Variants in TMEM52B observed in about 807,000 individuals in gnomAD.
TMEM52B encodes chromosome 12 open reading frame 59.
In TMEM52B, 11 loss-of-function variants were observed where a neutral mutation model predicts 16.1. That is an observed-to-expected ratio of 0.68 (90% CI 0.43 to 1.13). The LOEUF (loss-of-function observed/expected upper bound fraction) is 1.13. TMEM52B is among the 50% of genes most tolerant of loss of function. TMEM52B has a pLI of 0.00. For synonymous variants in TMEM52B, 101 were observed against 93.8 expected (o/e 1.08, Z -0.45); for missense variants, 243 against 230.4 (o/e 1.05, Z -0.35).
upstream of TMEM52B, among the ~76,000 whole-genome samples, chr12:10,177,209 G>A (rs901483814): frequency 2.6e-5 from 4 of 151,770 alleles, no homozygotes; most frequent in African/African-American, 9.7e-5. Flanking sequence ...ACTGAAATCT[G>A]GAAATCACCC....
At chr12:10,176,442 G>A (rs539064189), upstream of TMEM52B, among the ~76,000 whole-genome samples, 28 of 152,210 alleles carry the variant, frequency 1.8e-4, no homozygotes, top group Non-Finnish European at 3.5e-4. Context: ...TTAGAAAAGT[G>A]CAATGCGAGC....
At chr12:10,173,843 C>G (rs1948745264) in intron 1 of TMEM52B, among the ~76,000 whole-genome samples, 1 of 151,070 alleles carries the variant, frequency 6.6e-6, no homozygotes, top group South Asian at 2.1e-4. Flanking sequence ...TCTACAGTGA[C>G]TCAGTTATTT....
chr12:10,182,588 T>C lies in TMEM52B; in HGVS notation c.93T>C (p.Pro31=), dbSNP rs970025069. 6.5e-7 allele frequency: 1 copy of C among 1,535,408 alleles called. No homozygotes were observed. The highest frequency in any genetic ancestry group is 1.7e-4 in the Middle Eastern group (1 of 5,984). ...GTRCEENCGN[P]EHCLTTDWVH... ...GATGTGAGGAAAACTGTGGTAATCC[T>C]GAACAGTAAGTATAGAGTTCAAGCT... The change falls in exon 2 of 5, where the codon CCT becomes CCC. Residue 31 remains proline (P), a synonymous_variant. Transcript: ENST00000543484.
chr12:10,190,860 G>C lies in TMEM52B; in HGVS notation c.*720G>C, dbSNP rs1043801935. On this transcript the variant is annotated 3_prime_UTR_variant, in exon 5 of 5. Coordinates refer to ENST00000543484, the MANE Select transcript of TMEM52B (RefSeq NM_001384896.1). ...GCACATGCATGTATACCTGCACCCT[G>C]TTTTAACTCTAAAGGAATAGTGTTG... 3 of 152,322 alleles carry C rather than the reference G, an allele frequency of 2.0e-5. No homozygotes were observed. The highest frequency in any genetic ancestry group is 2.0e-4 in the Admixed American group (3 of 15,274). The allele number at this position is 152,322 out of a possible 1,614,324, so 9.4% of individuals were successfully genotyped here. A position where few individuals can be genotyped will look rare whatever the true frequency, so the allele number is the denominator to read the frequency against.
At chr12:10,177,806 TAATAATAA>T (rs1948778501), upstream of TMEM52B, among the ~76,000 whole-genome samples, 4 of 81,670 alleles carry the variant, frequency 4.9e-5, no homozygotes, top group African/African-American at 1.5e-4. Context: ...ATAATAATAA[TAATAATAA>T]TTTTTTTATT....
intron 1 of TMEM52B, among the ~76,000 whole-genome samples, chr12:10,173,554 G>A (rs542090339): frequency 1.3e-5 from 2 of 151,634 alleles, no homozygotes; most frequent in Admixed American, 6.6e-5. Flanking sequence ...CTGAGGGGGG[G>A]GGTGGATCAC....
intron 1 of TMEM52B, among the ~76,000 whole-genome samples, chr12:10,181,554 T>C (rs1948822724): frequency 6.6e-6 from 1 of 150,782 alleles, no homozygotes; most frequent in Admixed American, 6.6e-5. Flanking sequence ...GGTCTCGAAC[T>C]CCTGACCTCA....
intron 1 of TMEM52B, 37 bp downstream of exon 1, chr12:10,179,665 T>C (rs1417441877): frequency 1.9e-6 from 3 of 1,612,698 alleles, no homozygotes; most frequent in African/African-American, 2.7e-5. Flanking sequence ...AGAGTATTTT[T>C]CCCCAGATTA....
At chr12:10,185,716 T>C (rs570759357) in intron 3 of TMEM52B, among the ~76,000 whole-genome samples, 1 of 151,710 alleles carries the variant, frequency 6.6e-6, no homozygotes, top group African/African-American at 2.4e-5. Context: ...GAGACCAGCC[T>C]GAGCAAAATA....
chr12:10,176,738 A>G (rs1221158044), upstream of TMEM52B, among the ~76,000 whole-genome samples: 1 of 152,256 alleles, frequency 6.6e-6, no homozygotes, highest in Non-Finnish European at 1.5e-5. Flanking sequence ...TACACACATT[A>G]ACTTATTTAA....
chr12:10,171,285 T>A (rs191369763), intron 1 of TMEM52B, among the ~76,000 whole-genome samples: 1 of 152,336 alleles, frequency 6.6e-6, no homozygotes, highest in Non-Finnish European at 1.5e-5. Context: ...TCTCCTTATA[T>A]TCTGTTCATT....
intron 4 of TMEM52B, among the ~76,000 whole-genome samples, chr12:10,189,016 C>CAAAAAAAAAAAA (rs869240234): frequency 3.5e-5 from 2 of 56,488 alleles, no homozygotes; most frequent in Non-Finnish European, 5.9e-5. Context: ...GACTCCGTCT[C>CAAAAAAAAAAAA]AAAAAAAAAA....
At chr12:10,181,327 C>T (rs1948819813) in intron 1 of TMEM52B, among the ~76,000 whole-genome samples, 1 of 119,906 alleles carries the variant, frequency 8.3e-6, no homozygotes, top group African/African-American at 2.7e-5. Context: ...TAGGTGTGTA[C>T]ATTTGGTCAC....
At position 10,190,024 on chromosome 12, in the gene TMEM52B, C is replaced by A; in HGVS notation, c.436C>A (p.Arg146Ser). 1.2e-6 allele frequency: 2 copies of A among 1,614,152 alleles called. No homozygotes were observed. Among genetic ancestry groups the A allele is most frequent in the Non-Finnish European group, 1.7e-6 (2 of 1,180,036 alleles). Residue 146 changes from arginine (R) to serine (S), a missense_variant, in exon 5 of 5, where the codon CGC (arginine) becomes AGC (serine). By Grantham distance (110) the Arg-to-Ser change is moderately radical. Coordinates refer to ENST00000543484, the MANE Select transcript of TMEM52B (RefSeq NM_001384896.1). The stretch of plus-strand genomic sequence containing the variant: ...GTATGAAGAAGCTCTTCACATGAGT[C>A]GCTTCACAGTAGCCATGTGCGGGCA... ...PGYEEALHMSRFTVAMCGQKA... is the reference protein window; with the variant it reads ...PGYEEALHMSSFTVAMCGQKA...
At chr12:10,184,563 T>A (rs759878103) in intron 2 of TMEM52B, among the ~76,000 whole-genome samples, 13 of 152,144 alleles carry the variant, frequency 8.5e-5, no homozygotes, top group Non-Finnish European at 1.3e-4. Flanking sequence ...TTGCCTGGTG[T>A]GTGCGGAAAT....
At position 10,187,099 on chromosome 12, in the gene TMEM52B, G is replaced by GTTTTTTT. The variant is rs71049057; in HGVS notation, c.307+525_307+531dup. Among the ~76,000 whole-genome samples, 143 of 82,146 alleles carry GTTTTTTT rather than the reference G, an allele frequency of 1.7e-3. 14 individuals carry two copies. Among genetic ancestry groups the GTTTTTTT allele is most frequent in the African/African-American group, 4.1e-3 (83 of 20,242 alleles). 53.9% of individuals were successfully genotyped at this position (82,146 alleles called of 152,430 possible). On this transcript the variant is annotated intron_variant, in intron 4 of 4. Transcript: ENST00000543484. ...CTGTGGTTCTATTCTTTCCATGACG[G>GTTTTTTT]TTTTTTTTTTTTTTTTTTTTTGAGA...
rs758106034 is a variant in TMEM52B at position 10,179,325 on chromosome 12, G to A, written c.-250G>A. 5.5e-5 allele frequency: 28 copies of A among 509,796 alleles called. No homozygotes were observed. Among genetic ancestry groups the A allele is most frequent in the Non-Finnish European group, 9.6e-5 (27 of 282,146 alleles). 31.6% of individuals were successfully genotyped at this position (509,796 alleles called of 1,614,324 possible). The stretch of plus-strand genomic sequence containing the variant: ...AGAAAGAAGGCAAAAGGAAGTAAAT[G>A]TGGAGGCCATAGAAATAGTAATAAG... On this transcript the variant is annotated 5_prime_UTR_variant, in exon 1 of 5. The change creates a new upstream start codon in the 5' untranslated region. Coordinates refer to ENST00000543484, the MANE Select transcript of TMEM52B (RefSeq NM_001384896.1).
In TMEM52B at chr12:10,185,905, G is replaced by A. The variant is rs545822012; in HGVS notation, c.138-515G>A. Among the ~76,000 whole-genome samples the A allele has an allele frequency of 4.3e-4, 66 of 152,322 alleles. 1 individual carries two copies. The South Asian group carries it at 0.013, about 30-fold the overall frequency. ...AAAAATACAAAATTAGCTGGGCGTG[G>A]TGGCACATGCCTGTAATCCCAGCTA... On this transcript the variant is annotated intron_variant, in intron 3 of 4. Coordinates refer to ENST00000543484, the MANE Select transcript of TMEM52B (RefSeq NM_001384896.1).
At chr12:10,181,780 A>G (rs1376901036) in intron 1 of TMEM52B, among the ~76,000 whole-genome samples, 1 of 150,702 alleles carries the variant, frequency 6.6e-6, no homozygotes, top group African/African-American at 2.4e-5. Context: ...TCCCAACAGC[A>G]CTTTGGGAGG....
Sources: allele counts gnomAD v4.1 joint callset (sites outside exome capture counted in the v4.1 genomes callset), GRCh38; gene constraint gnomAD v4.1.1; transcripts MANE v1.5; gene names NCBI Gene and HGNC (gene_info 2026-07-23, HGNC 2026-07-21).